PCYOX1: variants seen among roughly 807,000 people sequenced by gnomAD.
The protein encoded by PCYOX1 is prenylcysteine lyase.
PCYOX1 carries 46 observed loss-of-function variants against 46.4 expected under a neutral mutation model. The observed-to-expected ratio is 0.99, with a 90% confidence interval of 0.78 to 1.27. PCYOX1 has a LOEUF of 1.27. PCYOX1 is among the 50% of genes most tolerant of loss of function. The pLI, the probability that PCYOX1 is intolerant of heterozygous loss-of-function variation, is 0.00. For missense variants in PCYOX1, 658 were observed against 628.3 expected, an observed-to-expected ratio of 1.05 and a Z score of -0.51; for synonymous variants, 220 against 231.8, an observed-to-expected ratio of 0.95 and a Z score of 0.46.
intron 5 of PCYOX1, among the ~76,000 whole-genome samples, chr2:70,276,150 A>G (rs1388400511): frequency 1.3e-5 from 2 of 150,418 alleles, no homozygotes; most frequent in Admixed American, 6.7e-5. Context: ...GTGCTGTGGC[A>G]TCACTCCTTG....
intron 3 of PCYOX1, among the ~76,000 whole-genome samples, chr2:70,261,628 A>T (rs1018028086): frequency 6.6e-6 from 1 of 152,176 alleles, no homozygotes; most frequent in Admixed American, 6.5e-5. Flanking sequence ...GTTGCCAGAT[A>T]CTGTTAGATG....
intron 3 of PCYOX1, among the ~76,000 whole-genome samples, chr2:70,270,676 G>T (rs755573975): frequency 6.6e-6 from 1 of 152,186 alleles, no homozygotes; most frequent in Non-Finnish European, 1.5e-5. Context: ...TCTCAGTGAG[G>T]CTTTTCCTGA....
intron 3 of PCYOX1, among the ~76,000 whole-genome samples, chr2:70,264,825 C>CCAACATGGTGAAACT (rs1467535634): frequency 6.6e-6 from 1 of 151,810 alleles, no homozygotes; most frequent in Non-Finnish European, 1.5e-5. Context: ...ACCAGCCTGG[C>CCAACATGGTGAAACT]CAACATGGTG....
intron 3 of PCYOX1, among the ~76,000 whole-genome samples, chr2:70,262,444 G>A (rs1480755604): frequency 6.6e-6 from 1 of 150,448 alleles, no homozygotes; most frequent in African/African-American, 2.4e-5. Flanking sequence ...GGGATTACAG[G>A]TGTGAGCTAC....
Position 70,275,617 on chromosome 2 carries a change from A to G in PCYOX1, c.810A>G (p.Ile270Met). The G allele has an allele frequency of 6.2e-7, 1 of 1,614,174 alleles. No individual in the cohort carries two copies. The highest frequency in any genetic ancestry group is 8.5e-7 in the Non-Finnish European group (1 of 1,180,008). Residue 270 changes from isoleucine to methionine, a missense_variant, in exon 5 of 6, where the codon ATA (isoleucine) becomes ATG (methionine). Physicochemically the swap from Ile to Met is conservative, Grantham distance 10. Coordinates refer to ENST00000433351, the MANE Select transcript of PCYOX1 (RefSeq NM_016297.4). ...TGCAGGCATCCAAAAGCAATCTTAT[A>G]TCTGGCTCAGTAATGTACATCGAGG... ...GLLQASKSNL[I>M]SGSVMYIEEK...
At chr2:70,261,742 C>A (rs1469010090) in intron 3 of PCYOX1, among the ~76,000 whole-genome samples, 2 of 152,226 alleles carry the variant, frequency 1.3e-5, no homozygotes, top group South Asian at 4.2e-4. Flanking sequence ...GCAAGTTCAC[C>A]CACATAGTAA....
chr2:70,267,658 G>A (rs917811063), intron 3 of PCYOX1, among the ~76,000 whole-genome samples: 5 of 152,016 alleles, frequency 3.3e-5, no homozygotes, highest in African/African-American at 4.8e-5. Flanking sequence ...GCGTGGCGGC[G>A]CGCGCCTGCA....
upstream of PCYOX1, chr2:70,258,083 C>A: frequency 8.7e-7 from 1 of 1,152,118 alleles, no homozygotes. Flanking sequence ...GGCCTGGGGG[C>A]GGGGCTGGGC....
intron 3 of PCYOX1, among the ~76,000 whole-genome samples, chr2:70,262,668 A>G (rs949102175): frequency 3.3e-5 from 5 of 150,626 alleles, no homozygotes; most frequent in African/African-American, 1.2e-4. Context: ...TTTAGTAGAG[A>G]CGGGGTTTCA....
intron 3 of PCYOX1, among the ~76,000 whole-genome samples, chr2:70,261,641 T>G (rs1696441831): frequency 6.6e-6 from 1 of 152,210 alleles, no homozygotes; most frequent in South Asian, 2.1e-4. Context: ...GTTAGATGCC[T>G]TGAATTCTTA....
At chr2:70,267,212 C>A (rs532654793) in intron 3 of PCYOX1, among the ~76,000 whole-genome samples, 1 of 152,014 alleles carries the variant, frequency 6.6e-6, no homozygotes, top group East Asian at 1.9e-4. Flanking sequence ...CAGAGGCGCT[C>A]CCCACATCCC....
At chr2:70,261,941 A>T (rs986312678) in intron 3 of PCYOX1, among the ~76,000 whole-genome samples, 1 of 152,298 alleles carries the variant, frequency 6.6e-6, no homozygotes, top group Admixed American at 6.5e-5. Flanking sequence ...AAGTAGAGTA[A>T]AAGTTCCATA....
intron 5 of PCYOX1, among the ~76,000 whole-genome samples, 160 bp from the exon 6 acceptor site, chr2:70,276,574 T>C (rs1415173824): frequency 6.6e-6 from 1 of 152,220 alleles, no homozygotes; most frequent in Non-Finnish European, 1.5e-5. Context: ...GAATAAGAAA[T>C]TGGCCTCAAT....
At chr2:70,266,044 C>A (rs1252295837) in intron 3 of PCYOX1, among the ~76,000 whole-genome samples, 2 of 152,170 alleles carry the variant, frequency 1.3e-5, no homozygotes, top group African/African-American at 2.4e-5. Context: ...CTAGAGTAGC[C>A]TCCTATTATA....
At chr2:70,270,975 TC>T (rs1207975958) in intron 3 of PCYOX1, among the ~76,000 whole-genome samples, 15 of 152,212 alleles carry the variant, frequency 9.9e-5, no homozygotes, top group African/African-American at 3.6e-4. Flanking sequence ...GATCCACCTG[TC>T]TTGGCCTCCC....
In PCYOX1 at chr2:70,280,123, A is replaced by C. The variant is rs1486376947; in HGVS notation, c.*2731A>C. 6.6e-6 allele frequency: 1 copy of C among 152,166 alleles called. No individual in the cohort carries two copies. Among genetic ancestry groups the C allele is most frequent in the Non-Finnish European group, 1.5e-5 (1 of 68,034 alleles). 9.4% of individuals were successfully genotyped at this position (152,166 alleles called of 1,614,324 possible). A position where few individuals can be genotyped will look rare whatever the true frequency, so the allele number is the denominator to read the frequency against. On this transcript the variant is annotated 3_prime_UTR_variant, in exon 6 of 6. Transcript: ENST00000433351. The stretch of plus-strand genomic sequence containing the variant: ...AAAAATGTTGCTGGTATTACATCAA[A>C]CCTACTCTGGATAAATTTTCCAGTA...
intron 3 of PCYOX1, among the ~76,000 whole-genome samples, chr2:70,262,060 A>G (rs1307652884): frequency 6.6e-6 from 1 of 152,302 alleles, no homozygotes; most frequent in Non-Finnish European, 1.5e-5. Flanking sequence ...GCGTGTGAAT[A>G]TGTATCACTT....
At chr2:70,269,397 G>A (rs969950202) in intron 3 of PCYOX1, among the ~76,000 whole-genome samples, 2 of 149,866 alleles carry the variant, frequency 1.3e-5, no homozygotes, top group African/African-American at 2.5e-5. Flanking sequence ...GTTCAGTGGC[G>A]CTATCTCGGC....
chr2:70,257,950 G>C (rs984079190), upstream of PCYOX1: 2 of 407,922 alleles, frequency 4.9e-6, no homozygotes, highest in Admixed American at 4.8e-5. Context: ...GCTTCGAGGC[G>C]GCAGGATGTG....
Sources: gnomAD v4.1 joint callset for allele counts (sites outside exome capture counted in the v4.1 genomes callset) on GRCh38, gnomAD v4.1.1 for gene constraint, MANE v1.5 for transcripts, NCBI Gene and HGNC (gene_info 2026-07-23, HGNC 2026-07-21) for gene names.